The following NLRP2 variants were observed in gnomAD, a reference collection of about 807,000 sequenced individuals.
NLRP2 encodes NLR family pyrin domain containing 2.
Under a neutral mutation model 97.2 loss-of-function variants are expected in NLRP2, and 107 were observed. The observed-to-expected ratio is 1.10, with a 90% CI of 0.94 to 1.29. NLRP2 has a LOEUF of 1.29. Ranked by LOEUF, NLRP2 falls within the 50% of genes most tolerant of loss-of-function variation. The pLI, the probability that NLRP2 is intolerant of heterozygous loss-of-function variation, is 0.00. For synonymous variants in NLRP2, 663 were observed against 551.5 expected, an observed-to-expected ratio of 1.20 and a Z score of -2.83; for missense variants, 1,495 against 1,330.3, an observed-to-expected ratio of 1.12 and a Z score of -1.93.
chr19:54,988,879 A>C (rs1440491533), intron 8 of NLRP2, among the ~76,000 whole-genome samples: 1 of 151,454 alleles, frequency 6.6e-6, no homozygotes. Flanking sequence ...CTTGAAACAT[A>C]GGTTAGTGGG....
intron 11 of NLRP2, among the ~76,000 whole-genome samples, chr19:54,995,961 G>A (rs1395316840): frequency 6.7e-6 from 1 of 148,776 alleles, no homozygotes; most frequent in Non-Finnish European, 1.5e-5. Context: ...GATCACTTGA[G>A]CCTGGGAGGA....
intron 6 of NLRP2, among the ~76,000 whole-genome samples, chr19:54,984,002 C>T (rs775206127): frequency 2.6e-5 from 4 of 152,148 alleles, no homozygotes; most frequent in Admixed American, 6.5e-5. Context: ...AGGCGCCTGC[C>T]ACCTTGCCCG....
At position 54,983,034 on chromosome 19, in the gene NLRP2, G is replaced by A. The variant is rs771265449; in HGVS notation, c.1336G>A (p.Ala446Thr). The change falls in exon 6 of 13, where the codon GCG (alanine) becomes ACG (threonine). Residue 446 changes from alanine (A) to threonine (T), a missense_variant. Physicochemically the swap from Ala to Thr is moderately conservative, Grantham distance 58. Coordinates refer to ENST00000448584, the MANE Select transcript of NLRP2 (RefSeq NM_017852.5). ...CCCGCAGGGCGCACAGCTGCGGGGC[G>A]CGCTGCGGACGCTGAGCCTCCTGGC... ...RFPQGAQLRG[A>T]LRTLSLLAAQ... 9.3e-6 allele frequency: 15 copies of A among 1,610,836 alleles called. No homozygotes were observed. The highest frequency in any genetic ancestry group is 2.2e-5 in the East Asian group (1 of 44,832).
chr19:54,991,551 A>T (rs947149424), intron 10 of NLRP2: 3 of 86,256 alleles, frequency 3.5e-5, no homozygotes, highest in Non-Finnish European at 8.0e-5. Context: ...AGACTCTCTC[A>T]AAAAAAAAAA....
rs1195848061 is a variant in NLRP2 at position 54,994,384 on chromosome 19, A to G, written c.2824A>G (p.Met942Val). The change falls in exon 11 of 13, where the codon ATG becomes GTG. Residue 942 changes from methionine to valine, a missense_variant. Physicochemically the swap from Met to Val is conservative, Grantham distance 21. Coordinates refer to ENST00000448584, the MANE Select transcript of NLRP2 (RefSeq NM_017852.5). ...GCTGAATCACATAGGAGTTAAGGGA[A>G]TGAAGTTCCTGTGTGAGGCTTTGAG... ...LGLNHIGVKG[M>V]KFLCEALRKP... The G allele has an allele frequency of 6.2e-7, 1 of 1,613,770 alleles. No homozygotes were observed. Among genetic ancestry groups the G allele is most frequent in the African/African-American group, 1.3e-5 (1 of 74,930 alleles).
chr19:54,994,592 AAGTTCTAGTCT>A (rs779803107), intron 11 of NLRP2, among the ~76,000 whole-genome samples, 153 bp downstream of exon 11: 346 of 152,066 alleles, frequency 2.3e-3, no homozygotes, highest in Non-Finnish European at 3.2e-3. Context: ...TTAAAGGAAT[AAGTTCTAGTCT>A]ATGTCTAAGT....
At chr19:54,990,360 A>C (rs936255713) in intron 9 of NLRP2, 142 bp from the exon 10 acceptor site, 6 of 1,112,810 alleles carry the variant, frequency 5.4e-6, no homozygotes, top group Middle Eastern at 3.9e-4. Context: ...TCTCATTCCT[A>C]TTCCTTCATA....
chr19:54,968,701 C>CTTTTTTTTTTTT (rs61212213), intron 1 of NLRP2, among the ~76,000 whole-genome samples: 2,278 of 113,908 alleles, frequency 0.02, 253 homozygotes, highest in African/African-American at 0.079. Flanking sequence ...ATCTTTAAGC[C>CTTTTTTTTTTTT]TTTTTTTTTT....
chr19:54,998,611 C>CTTTTTTTTTTTTTTTTTT (rs375510249), intron 12 of NLRP2, among the ~76,000 whole-genome samples: 2 of 42,194 alleles, frequency 4.7e-5, no homozygotes, highest in Non-Finnish European at 9.3e-5. Context: ...CATCTTTTTT[C>CTTTTTTTTTTTTTTTTTT]TTTTTTTTTT....
chr19:54,993,716 G>T, intron 10 of NLRP2: 1 of 163,088 alleles, frequency 6.1e-6, no homozygotes, highest in Non-Finnish European at 1.3e-5. Context: ...GTGGTGGCAC[G>T]CGCATGTGTG....
chr19:54,984,215 G>C (rs1298362282), intron 6 of NLRP2, among the ~76,000 whole-genome samples: 2 of 151,758 alleles, frequency 1.3e-5, no homozygotes, highest in Non-Finnish European at 2.9e-5. Flanking sequence ...GGTGAAATCA[G>C]CTCACTGCAT....
rs1459721544 is a variant in NLRP2, at chr19:54,983,563, T to C, written c.1865T>C (p.Met622Thr). The C allele has an allele frequency of 2.5e-6, 4 of 1,614,184 alleles. No homozygotes were observed. Among genetic ancestry groups the C allele is most frequent in the Non-Finnish European group, 3.4e-6 (4 of 1,180,028 alleles). Reference sequence around the variant, plus strand: ...GAGGAGGAGCTGGTGAAGGAGGTGATGGCTCAGTTCAAAGAAATATCCCTG... The same window carrying C: ...GAGGAGGAGCTGGTGAAGGAGGTGACGGCTCAGTTCAAAGAAATATCCCTG... Reference protein sequence around the residue: ...SQEEELVKEVMAQFKEISLHL... With the variant: ...SQEEELVKEVTAQFKEISLHL... The change falls in exon 6 of 13, where the codon ATG (methionine) becomes ACG (threonine). Residue 622 changes from methionine to threonine, a missense_variant. Met to Thr is a moderately conservative substitution (Grantham distance 81, BLOSUM62 -1). Transcript: ENST00000448584.
chr19:54,965,346 C>T (rs929571360), upstream of NLRP2: 3 of 104,060 alleles, frequency 2.9e-5, 1 homozygote, highest in African/African-American at 1.3e-4. Flanking sequence ...CAGCCCTCAT[C>T]TCCGCCGGCG....
Position 54,990,136 on chromosome 19 carries a change from T to C in NLRP2, c.2481T>C (p.Gly827=), listed in dbSNP as rs757621061. The part of the protein sequence containing the change: ...NLSDNELLDE[G]AKLLYTTLRH... ...CCGACAATGAGCTTCTGGATGAGGG[T>C]GCTAAGTTGCTGTACACAACTTTGA... The change falls in exon 9 of 13, where the codon GGT becomes GGC. Residue 827 remains glycine (G), a synonymous_variant. Coordinates refer to ENST00000448584, the MANE Select transcript of NLRP2 (RefSeq NM_017852.5). 2 of 1,614,110 alleles carry C rather than the reference T, an allele frequency of 1.2e-6. No homozygotes were observed. The highest frequency in any genetic ancestry group is 1.7e-5 in the Admixed American group (1 of 60,002).
intron 6 of NLRP2, 122 bp downstream of exon 6, chr19:54,983,850 CTT>C (rs1225049041): frequency 3.6e-5 from 50 of 1,378,926 alleles, no homozygotes; most frequent in Middle Eastern, 2.5e-4. Flanking sequence ...TTGTTGGACT[CTT>C]TGTTTGTTTT....
intron 11 of NLRP2, among the ~76,000 whole-genome samples, chr19:54,996,366 C>T (rs58172608): frequency 0.023 from 3,461 of 151,934 alleles, 145 homozygotes; most frequent in African/African-American, 0.078. Context: ...AAAAATCAGG[C>T]AGGCATGGTG....
chr19:54,981,509 G>GGCCCCCC, intron 4 of NLRP2, 108 bp from the exon 5 acceptor site: 11 of 386,504 alleles, frequency 2.8e-5, no homozygotes, highest in East Asian at 1.1e-4. Context: ...CTGATCCCGT[G>GGCCCCCC]CCCCCCCTCC....
chr19:54,987,454 T>G (rs888760836), intron 8 of NLRP2, among the ~76,000 whole-genome samples: 1 of 152,126 alleles, frequency 6.6e-6, no homozygotes, highest in Non-Finnish European at 1.5e-5. Flanking sequence ...TAGGTGGTCA[T>G]TGGCCTCAAA....
intron 3 of NLRP2, among the ~76,000 whole-genome samples, chr19:54,976,153 C>G (rs960371694): frequency 1.3e-5 from 2 of 151,918 alleles, no homozygotes; most frequent in Admixed American, 1.3e-4. Flanking sequence ...CCTCCCGGTT[C>G]AAGTGATTCT....
Sources: gnomAD v4.1 joint callset for allele counts (sites outside exome capture counted in the v4.1 genomes callset) on GRCh38, gnomAD v4.1.1 for gene constraint, MANE v1.5 for transcripts, NCBI Gene and HGNC (gene_info 2026-07-23, HGNC 2026-07-21) for gene names.